Variants in CYP2U1 observed in about 807,000 individuals in gnomAD.
CYP2U1 encodes cytochrome P450 2U1.
In CYP2U1, 28 loss-of-function variants were observed where a neutral mutation model predicts 42.8. That is an observed-to-expected ratio of 0.65 (90% CI 0.48 to 0.90). The LOEUF (loss-of-function observed/expected upper bound fraction) is 0.90. Ranked by LOEUF, CYP2U1 falls within the 40% of genes least tolerant of loss-of-function variation. CYP2U1 has a pLI of 0.00. For missense variants in CYP2U1, 642 were observed against 693.8 expected (o/e 0.93, Z 0.84); for synonymous variants, 296 against 278.9 (o/e 1.06, Z -0.61).
At chr4:107,943,681 T>C (rs1182130778) in intron 1 of CYP2U1, among the ~76,000 whole-genome samples, 2 of 152,224 alleles carry the variant, frequency 1.3e-5, no homozygotes, top group Non-Finnish European at 2.9e-5. Context: ...GATGTTTACA[T>C]TGAAAGACAT....
At chr4:107,948,595 C>A (rs12645612) in intron 3 of CYP2U1, among the ~76,000 whole-genome samples, 52,854 of 149,038 alleles carry the variant, frequency 0.35, 9,561 homozygotes, top group East Asian at 0.57. Flanking sequence ...TAATAATAAT[C>A]ATCATCATCA....
intron 1 of CYP2U1, 70 bp downstream of exon 1, chr4:107,932,203 A>G: frequency 2.6e-6 from 4 of 1,513,158 alleles, no homozygotes; most frequent in Non-Finnish European, 3.5e-6. Flanking sequence ...TGGGGGCTGC[A>G]GTTCCTGTGC....
In CYP2U1 at chr4:107,950,485, C is replaced by A; in HGVS notation, c.*62C>A. 6.8e-7 allele frequency: 1 copy of A among 1,478,446 alleles called. No homozygotes were observed. The highest frequency in any genetic ancestry group is 2.3e-5 in the Admixed American group (1 of 43,002). The allele number at this position is 1,478,446 out of a possible 1,614,324, so 91.6% of individuals were successfully genotyped here. A position where few individuals can be genotyped will look rare whatever the true frequency, so the allele number is the denominator to read the frequency against. ...AAATACATATCCTTCTAAGCAGATT[C>A]TTCCTACTGCAAAGGACAGTGAATC... On this transcript the variant is annotated 3_prime_UTR_variant, in exon 5 of 5. Transcript: ENST00000332884.
chr4:107,942,192 A>T (rs1262603464), intron 1 of CYP2U1, among the ~76,000 whole-genome samples: 4 of 152,154 alleles, frequency 2.6e-5, no homozygotes, highest in African/African-American at 9.7e-5. Flanking sequence ...ACATCCAGAG[A>T]CAAACAGTCT....
In CYP2U1 at chr4:107,947,384, CATGAAG is replaced by C; in HGVS notation, c.1137_1142del (p.His379_Glu381delinsGln). ...TTTCCCTTTTTACATAGAAAAGGTT[CATGAAG>C]AAATTGAAAGAGTCATTGGCGCCAA... On this transcript the variant is annotated inframe_deletion, in exon 3 of 5. Coordinates refer to ENST00000332884, the MANE Select transcript of CYP2U1 (RefSeq NM_183075.3). 2 of 1,614,076 alleles carry C rather than the reference CATGAAG, an allele frequency of 1.2e-6. No individual in the cohort carries two copies. The highest frequency in any genetic ancestry group is 4.5e-5 in the East Asian group (2 of 44,876).
Position 107,950,581 on chromosome 4 carries a change from T to C in CYP2U1, c.*158T>C. On this transcript the variant is annotated 3_prime_UTR_variant, in exon 5 of 5. Transcript: ENST00000332884. ...GTAGAGCACACTGGGAGGTTTCATC[T>C]TGGAGGATTCCTCAGCAGGATACTT... 1.5e-6 allele frequency: 1 copy of C among 661,178 alleles called. No individual in the cohort carries two copies. The highest frequency in any genetic ancestry group is 2.3e-6 in the Non-Finnish European group (1 of 427,802). The allele number at this position is 661,178 out of a possible 1,614,324, so 41.0% of individuals were successfully genotyped here.
At chr4:107,950,092 T>C (rs1733855585) in intron 4 of CYP2U1, among the ~76,000 whole-genome samples, 153 bp from the exon 5 acceptor site, 1 of 152,196 alleles carries the variant, frequency 6.6e-6, no homozygotes, top group African/African-American at 2.4e-5. Flanking sequence ...GCATATGCTG[T>C]GGGAGGCTAT....
At position 107,947,426 on chromosome 4, in the gene CYP2U1, T is replaced by TC; in HGVS notation, c.1180dup (p.Leu394ProfsTer45). 6.2e-7 allele frequency: 1 copy of TC among 1,614,122 alleles called. No individual in the cohort carries two copies. Among genetic ancestry groups the TC allele is most frequent in the African/African-American group, 1.3e-5 (1 of 75,040 alleles). The stretch of plus-strand genomic sequence containing the variant: ...AGTCATTGGCGCCAACCGAGCTCCT[T>TC]CCCTCACAGACAAGGCCCAGATGCC... On this transcript the variant is annotated frameshift_variant, in exon 3 of 5. Transcript: ENST00000332884. LOFTEE classifies it high-confidence loss of function.
At chr4:107,932,536 G>T (rs780882544) in intron 1 of CYP2U1, among the ~76,000 whole-genome samples, 21 of 152,126 alleles carry the variant, frequency 1.4e-4, no homozygotes, top group South Asian at 6.2e-4. Flanking sequence ...TTACCTTGTG[G>T]GTTTCGAATG....
At chr4:107,948,816 C>G (rs941840200) in intron 3 of CYP2U1, among the ~76,000 whole-genome samples, 1 of 152,096 alleles carries the variant, frequency 6.6e-6, no homozygotes, top group Admixed American at 6.5e-5. Context: ...GACATTGGAT[C>G]ACTTAACGGG....
At chr4:107,937,806 A>G (rs1733329320) in intron 1 of CYP2U1, 1 of 152,178 alleles carries the variant, frequency 6.6e-6, no homozygotes, top group East Asian at 1.9e-4. Flanking sequence ...TGCCTGGCCC[A>G]TGTACATGTA....
chr4:107,938,662 G>C (rs1458463445), intron 1 of CYP2U1: 1 of 152,146 alleles, frequency 6.6e-6, no homozygotes, highest in Non-Finnish European at 1.5e-5. Flanking sequence ...TGGCCTGTTT[G>C]ATGAACTAGC....
rs918333481 is a variant in CYP2U1, at chr4:107,951,282, G to A, written c.*859G>A. 1.3e-5 allele frequency: 2 copies of A among 152,016 alleles called. No homozygotes were observed. The highest frequency in any genetic ancestry group is 4.8e-5 in the African/African-American group (2 of 41,378). The allele number at this position is 152,016 out of a possible 1,614,324, so 9.4% of individuals were successfully genotyped here. A position where few individuals can be genotyped will look rare whatever the true frequency, so the allele number is the denominator to read the frequency against. ...ATGCAGCTCTACCTTTTTACTTAAG[G>A]CCTGAATGGTGAGCATGGGGATTTT... is the stretch of plus-strand genomic sequence containing the variant. On this transcript the variant is annotated 3_prime_UTR_variant, in exon 5 of 5. Transcript: ENST00000332884.
chr4:107,935,155 C>T (rs191110629), intron 1 of CYP2U1, among the ~76,000 whole-genome samples: 165 of 152,212 alleles, frequency 1.1e-3, no homozygotes, highest in Non-Finnish European at 1.6e-3. Context: ...ATTAGGTTTT[C>T]TTCTTTGAGA....
At chr4:107,933,443 C>T (rs1186698533) in intron 1 of CYP2U1, among the ~76,000 whole-genome samples, 2 of 152,204 alleles carry the variant, frequency 1.3e-5, no homozygotes, top group East Asian at 3.8e-4. Flanking sequence ...ATTACGAAGG[C>T]ATGTAGTGGA....
chr4:107,944,396 G>A (rs1327309780), intron 1 of CYP2U1, among the ~76,000 whole-genome samples: 2 of 152,050 alleles, frequency 1.3e-5, no homozygotes, highest in Admixed American at 6.6e-5. Context: ...TCCAACTCCT[G>A]GGCTCAAGTG....
At chr4:107,942,914 A>G (rs34494180) in intron 1 of CYP2U1, among the ~76,000 whole-genome samples, 2 of 152,244 alleles carry the variant, frequency 1.3e-5, no homozygotes, top group Admixed American at 6.5e-5. Context: ...AGCACAAATC[A>G]AAGGATTGAT....
rs191760145 is a variant in CYP2U1 at position 107,950,201 on chromosome 4, G to A, written c.1457-44G>A. The A allele has an allele frequency of 1.1e-5, 17 of 1,509,686 alleles. No individual in the cohort carries two copies. The East Asian group carries it at 3.6e-4, about 32-fold the overall frequency. The allele number at this position is 1,509,686 out of a possible 1,614,324, so 93.5% of individuals were successfully genotyped here. ...TTTGTACTTTTTGAAATAGGAGAAGGGATGGTATTATAATCCTTCATTTTT... is the reference window on the plus strand; with the variant it reads ...TTTGTACTTTTTGAAATAGGAGAAGAGATGGTATTATAATCCTTCATTTTT... On this transcript the variant is annotated intron_variant, in intron 4 of 4. Transcript: ENST00000332884.
chr4:107,932,273 ATGG>A, intron 1 of CYP2U1, 140 bp downstream of exon 1: 2 of 1,385,274 alleles, frequency 1.4e-6, no homozygotes, highest in Non-Finnish European at 1.9e-6. Context: ...CTAACAGGTG[ATGG>A]TGGTGGCGGC....
Sources: gnomAD v4.1 joint callset for allele counts (sites outside exome capture counted in the v4.1 genomes callset) on GRCh38, gnomAD v4.1.1 for gene constraint, MANE v1.5 for transcripts, NCBI Gene and HGNC (gene_info 2026-07-23, HGNC 2026-07-21) for gene names.